ZNF26: variants seen among roughly 807,000 people sequenced by gnomAD.
ZNF26 encodes epididymis luminal protein 179.
A neutral mutation model predicts 54.9 loss-of-function variants in ZNF26; 32 were observed. That is an observed-to-expected ratio of 0.58 (90% CI 0.44 to 0.78). ZNF26 has a LOEUF of 0.78. Among genes scored for constraint, ZNF26 ranks in the 30% least tolerant of loss-of-function variants. The pLI is 0.00. For synonymous variants in ZNF26, 221 were observed against 209.2 expected (o/e 1.06, Z -0.49); for missense variants, 524 against 634.0 (o/e 0.83, Z 1.86).
intron 1 of ZNF26, among the ~76,000 whole-genome samples, chr12:132,991,241 T>C (rs61953673): frequency 0.21 from 30,692 of 149,402 alleles, 3,931 homozygotes; most frequent in Non-Finnish European, 0.29. Context: ...CTCAGGCCTG[T>C]AATCCCAGCA....
intron 1 of ZNF26, among the ~76,000 whole-genome samples, chr12:132,994,548 T>G (rs1953031869): frequency 6.6e-6 from 1 of 152,196 alleles, no homozygotes; most frequent in Non-Finnish European, 1.5e-5. Flanking sequence ...ATAGATATTC[T>G]TCTAGGTCTT....
In ZNF26 at chr12:132,986,575, C is replaced by T. The variant is rs1287421949; in HGVS notation, c.-266C>T. The T allele has an allele frequency of 5.3e-6, 3 of 570,278 alleles. No homozygotes were observed. Among genetic ancestry groups the T allele is most frequent in the African/African-American group, 3.8e-5 (2 of 53,110 alleles). 35.3% of individuals were successfully genotyped at this position (570,278 alleles called of 1,614,324 possible). ...GGCGTGGACGGGGCCAGATCAGCCT[C>T]CTGCTCTCCCGAGTCAGGGCCACGG... On this transcript the variant is annotated 5_prime_UTR_variant, in exon 1 of 4. Coordinates refer to ENST00000328654, the MANE Select transcript of ZNF26 (RefSeq NM_019591.4).
intron 1 of ZNF26, among the ~76,000 whole-genome samples, chr12:132,990,066 T>G (rs1952914181): frequency 2.0e-5 from 3 of 152,062 alleles, no homozygotes; most frequent in African/African-American, 7.2e-5. Flanking sequence ...GGAGGATAGC[T>G]TTAGCCTAGG....
In ZNF26 at chr12:133,011,619, G is replaced by A. The variant is rs1436857358; in HGVS notation, c.*138G>A. On this transcript the variant is annotated 3_prime_UTR_variant, in exon 4 of 4. Coordinates refer to ENST00000328654, the MANE Select transcript of ZNF26 (RefSeq NM_019591.4). Reference sequence around the variant, plus strand: ...GAGAGAGACCAACCATATTTGGGATGAGTGTAAAAGCTTTCAGAAATAAGT... The same window carrying A: ...GAGAGAGACCAACCATATTTGGGATAAGTGTAAAAGCTTTCAGAAATAAGT... 1.3e-6 allele frequency: 1 copy of A among 774,666 alleles called. No individual in the cohort carries two copies. The allele number at this position is 774,666 out of a possible 1,614,324, so 48.0% of individuals were successfully genotyped here.
chr12:132,987,114 G>A (rs1182563731), intron 1 of ZNF26, among the ~76,000 whole-genome samples: 6 of 152,158 alleles, frequency 3.9e-5, no homozygotes, highest in Non-Finnish European at 8.8e-5. Context: ...GCCAGCTGCG[G>A]GCCCTGAAGT....
At chr12:133,006,971 AG>A in intron 1 of ZNF26, 70 bp from the exon 2 acceptor site, 1 of 1,537,764 alleles carries the variant, frequency 6.5e-7, no homozygotes, top group Non-Finnish European at 9.0e-7. Context: ...ATCCCTTCCC[AG>A]TTCCTCTGCA....
rs904277023 is a variant in ZNF26 at position 133,020,639 on chromosome 12, C to T, written c.*9158C>T. Reference sequence around the variant, plus strand: ...TAATATCCCACTTTCAATATTAGAACAATCGTATAAGTTGTCTAGGACTGT... The same window carrying T: ...TAATATCCCACTTTCAATATTAGAATAATCGTATAAGTTGTCTAGGACTGT... On this transcript the variant is annotated 3_prime_UTR_variant, in exon 4 of 4. Coordinates refer to ENST00000328654, the MANE Select transcript of ZNF26 (RefSeq NM_019591.4). 6.6e-6 allele frequency: 1 copy of T among 152,106 alleles called. No individual in the cohort carries two copies. Among genetic ancestry groups the T allele is most frequent in the Non-Finnish European group, 1.5e-5 (1 of 68,016 alleles). The allele number at this position is 152,106 out of a possible 1,614,324, so 9.4% of individuals were successfully genotyped here. A position where few individuals can be genotyped will look rare whatever the true frequency, so the allele number is the denominator to read the frequency against.
At chr12:132,986,998 C>T (rs1156634677) in intron 1 of ZNF26, 125 bp downstream of exon 1, 2 of 1,092,370 alleles carry the variant, frequency 1.8e-6, no homozygotes, top group African/African-American at 1.6e-5. Context: ...GTTTACTAGA[C>T]TACCCTCCCC....
intron 1 of ZNF26, among the ~76,000 whole-genome samples, chr12:132,994,489 C>T (rs1283914391): frequency 2.0e-5 from 3 of 152,212 alleles, no homozygotes; most frequent in African/African-American, 7.2e-5. Context: ...TCTCTTATAA[C>T]CACCCACCCA....
Position 133,018,753 on chromosome 12 carries a change from C to T in ZNF26, c.*7272C>T, listed in dbSNP as rs1222487046. On this transcript the variant is annotated 3_prime_UTR_variant, in exon 4 of 4. Transcript: ENST00000328654. ...AACTCTTGGCTTCAAGCAATTCTCCCACCTCCCACCTGGCTATTTTATTTT... is the reference window on the plus strand; with the variant it reads ...AACTCTTGGCTTCAAGCAATTCTCCTACCTCCCACCTGGCTATTTTATTTT... The T allele has an allele frequency of 6.6e-6, 1 of 152,042 alleles. No individual in the cohort carries two copies. The highest frequency in any genetic ancestry group is 6.6e-5 in the Admixed American group (1 of 15,262). 9.4% of individuals were successfully genotyped at this position (152,042 alleles called of 1,614,324 possible). A position where few individuals can be genotyped will look rare whatever the true frequency, so the allele number is the denominator to read the frequency against.
chr12:133,010,010 G>T, intron 3 of ZNF26, 126 bp from the exon 4 acceptor site: 1 of 985,254 alleles, frequency 1.0e-6, no homozygotes, highest in South Asian at 2.3e-5. Context: ...TATTTCTTTT[G>T]AACCAGTGTG....
intron 1 of ZNF26, among the ~76,000 whole-genome samples, chr12:133,002,023 T>A (rs1953228922): frequency 6.6e-6 from 1 of 152,178 alleles, no homozygotes; most frequent in Non-Finnish European, 1.5e-5. Context: ...CTTCCCTTTC[T>A]TCTCACGTGT....
chr12:132,989,028 ATTTT>A (rs150395603), intron 1 of ZNF26, among the ~76,000 whole-genome samples: 1,866 of 78,524 alleles, frequency 0.024, 24 homozygotes, highest in African/African-American at 0.089. Context: ...CTTTCGGTGA[ATTTT>A]TTTTTTTTTT....
chr12:132,991,675 C>T (rs1474858767), intron 1 of ZNF26, among the ~76,000 whole-genome samples: 3 of 149,778 alleles, frequency 2.0e-5, no homozygotes, highest in Non-Finnish European at 4.4e-5. Context: ...TGCTAGTGTG[C>T]ACCTGTAGCC....
Position 133,019,988 on chromosome 12 carries a change from C to T in ZNF26, c.*8507C>T, listed in dbSNP as rs61953715. On this transcript the variant is annotated 3_prime_UTR_variant, in exon 4 of 4. Coordinates refer to ENST00000328654, the MANE Select transcript of ZNF26 (RefSeq NM_019591.4). The stretch of plus-strand genomic sequence containing the variant: ...GCAGACACCTGTAGTCCCAGCTACT[C>T]GGGAGGCTGAGGCAGGAGAATCACT... 28,484 of 151,896 alleles carry T rather than the reference C, an allele frequency of 0.19. 3,398 individuals carry two copies. Among genetic ancestry groups the T allele is most frequent in the Non-Finnish European group, 0.27 (18,328 of 67,990 alleles). The allele number at this position is 151,896 out of a possible 1,614,324, so 9.4% of individuals were successfully genotyped here. A position where few individuals can be genotyped will look rare whatever the true frequency, so the allele number is the denominator to read the frequency against.
At chr12:133,009,326 C>T (rs1953416041) in intron 3 of ZNF26, among the ~76,000 whole-genome samples, 1 of 152,214 alleles carries the variant, frequency 6.6e-6, no homozygotes, top group Admixed American at 6.5e-5. Context: ...GGCACAGTGG[C>T]TCACACCTGT....
intron 1 of ZNF26, among the ~76,000 whole-genome samples, chr12:133,004,141 C>A (rs1953277213): frequency 6.6e-6 from 1 of 151,904 alleles, no homozygotes; most frequent in Admixed American, 6.6e-5. Context: ...TCGGTTTTTT[C>A]TCTACTGTTT....
At chr12:132,993,707 C>T (rs1350909148) in intron 1 of ZNF26, among the ~76,000 whole-genome samples, 1 of 152,228 alleles carries the variant, frequency 6.6e-6, no homozygotes, top group East Asian at 1.9e-4. Context: ...CTACCCCCCT[C>T]GGCCTCCCAG....
intron 1 of ZNF26, among the ~76,000 whole-genome samples, chr12:132,988,757 T>C (rs1952882609): frequency 6.6e-6 from 1 of 152,342 alleles, no homozygotes; most frequent in South Asian, 2.1e-4. Context: ...TTCCTATCCA[T>C]GAACATGTTA....
Sources: gnomAD v4.1 joint callset for allele counts (sites outside exome capture counted in the v4.1 genomes callset) on GRCh38, gnomAD v4.1.1 for gene constraint, MANE v1.5 for transcripts, NCBI Gene and HGNC (gene_info 2026-07-23, HGNC 2026-07-21) for gene names.